The following SUGP1 variants were observed in gnomAD, a reference collection of about 807,000 sequenced individuals.
SUGP1 encodes SURP and G-patch domain-containing protein 1.
SUGP1 carries 34 observed loss-of-function variants against 76.5 expected under a neutral mutation model. The ratio of observed to expected loss-of-function variants is 0.44; its 90% confidence interval spans 0.34 to 0.59. The LOEUF (loss-of-function observed/expected upper bound fraction) is 0.59, where lower values mean the gene tolerates loss of function less well. Among genes scored for constraint, SUGP1 ranks in the 20% least tolerant of loss-of-function variants. The pLI is 0.01. For synonymous variants in SUGP1, 326 were observed against 326.2 expected (o/e 1.00, Z 0.01); for missense variants, 752 against 851.7 (o/e 0.88, Z 1.46).
chr19:19,286,393 T>C (rs2061140370), intron 8 of SUGP1, among the ~76,000 whole-genome samples: 1 of 152,112 alleles, frequency 6.6e-6, no homozygotes, highest in Non-Finnish European at 1.5e-5. Context: ...ATTATGAAAG[T>C]CTGGAAGGGT....
At chr19:19,288,380 TTATTA>T (rs1380227828) in intron 8 of SUGP1, among the ~76,000 whole-genome samples, 10 of 152,222 alleles carry the variant, frequency 6.6e-5, no homozygotes, top group Admixed American at 1.3e-4. Flanking sequence ...CTAGCTTATT[TTATTA>T]TAAGAATATA....
At position 19,306,128 on chromosome 19, in the gene SUGP1, C is replaced by T. The variant is rs559808376; in HGVS notation, c.311-52G>A. 3.6e-5 allele frequency: 52 copies of T among 1,449,996 alleles called. No individual in the cohort carries two copies. In the South Asian group the frequency reaches 4.8e-4, roughly 13 times the overall value. 89.8% of individuals were successfully genotyped at this position (1,449,996 alleles called of 1,614,324 possible). Reference sequence around the variant, plus strand: ...CTCGGGATCTGCAGGGCACCTCTCCCGGCTTCCGACCTAACCTAGGTGCTG... The same window carrying T: ...CTCGGGATCTGCAGGGCACCTCTCCTGGCTTCCGACCTAACCTAGGTGCTG... On this transcript the variant is annotated intron_variant, in intron 3 of 13. Transcript: ENST00000247001.
intron 2 of SUGP1, among the ~76,000 whole-genome samples, chr19:19,314,722 C>G (rs2061379865): frequency 1.3e-5 from 2 of 152,174 alleles, no homozygotes; most frequent in South Asian, 4.1e-4. Flanking sequence ...CCACTGGTAA[C>G]AAATACTGGG....
intron 11 of SUGP1, among the ~76,000 whole-genome samples, chr19:19,278,478 G>A (rs1369309819): frequency 6.6e-6 from 1 of 152,108 alleles, no homozygotes; most frequent in African/African-American, 2.4e-5. Flanking sequence ...GCAGCCCCAG[G>A]AAATGTTTCT....
intron 8 of SUGP1, among the ~76,000 whole-genome samples, chr19:19,282,948 G>T (rs936710638): frequency 6.6e-6 from 1 of 152,044 alleles, no homozygotes; most frequent in African/African-American, 2.4e-5. Flanking sequence ...GTGGTGGCAG[G>T]CGCCTGTCGT....
chr19:19,280,586 C>T (rs1187217265), intron 8 of SUGP1: 2 of 381,712 alleles, frequency 5.2e-6, no homozygotes, highest in Non-Finnish European at 9.7e-6. Flanking sequence ...CAGGGTCACA[C>T]AGCTAACGAG....
At position 19,303,465 on chromosome 19, in the gene SUGP1, T is replaced by C. The variant is rs1470444502; in HGVS notation, c.663-17A>G. ...TGCAAAAATCTGGAGAGGAGGAAGT[T>C]TGCAGAAGAGAGGGGAAAATAAGTA... On this transcript the variant is annotated splice_polypyrimidine_tract_variant and intron_variant, in intron 5 of 13. Transcript: ENST00000247001. 6.2e-7 allele frequency: 1 copy of C among 1,605,258 alleles called. No homozygotes were observed. Among genetic ancestry groups the C allele is most frequent in the African/African-American group, 1.3e-5 (1 of 74,696 alleles).
intron 8 of SUGP1, among the ~76,000 whole-genome samples, chr19:19,283,239 G>A (rs888385815): frequency 1.3e-5 from 2 of 152,112 alleles, no homozygotes; most frequent in Non-Finnish European, 2.9e-5. Context: ...GCAGTCAAGA[G>A]AAATGTAAAC....
At chr19:19,306,593 C>G (rs2061319679) in intron 3 of SUGP1, among the ~76,000 whole-genome samples, 1 of 152,224 alleles carries the variant, frequency 6.6e-6, no homozygotes. Flanking sequence ...TGACAGAGGT[C>G]GAAGACCAGC....
chr19:19,279,410 G>A lies in SUGP1; in HGVS notation c.1351-20C>T, dbSNP rs971422340. 4 of 1,580,978 alleles carry A rather than the reference G, an allele frequency of 2.5e-6. No individual in the cohort carries two copies. Among genetic ancestry groups the A allele is most frequent in the Admixed American group, 1.7e-5 (1 of 58,304 alleles). On this transcript the variant is annotated intron_variant, in intron 9 of 13. Transcript: ENST00000247001. ...CTGCATCTGCAGGGCACACTCGCCA[G>A]TGAGCCAGGGCACGGTGCTGTGGCC... is the stretch of plus-strand genomic sequence containing the variant.
intron 9 of SUGP1, 83 bp from the exon 10 acceptor site, chr19:19,279,473 G>A: frequency 1.1e-5 from 16 of 1,452,894 alleles, no homozygotes; most frequent in East Asian, 7.4e-5. Context: ...CTCCAGTGCT[G>A]GGCATCCCCC....
chr19:19,292,292 A>T (rs61186263), intron 8 of SUGP1, among the ~76,000 whole-genome samples: 2,570 of 151,002 alleles, frequency 0.017, 88 homozygotes, highest in South Asian at 0.11. Flanking sequence ...AAAAAAAAAG[A>T]AAGAATACCA....
intron 8 of SUGP1, chr19:19,281,096 G>C (rs2061095063): frequency 6.6e-6 from 1 of 152,382 alleles, no homozygotes; most frequent in Non-Finnish European, 1.5e-5. Context: ...GGGATGTGGG[G>C]GAGCCCTGTT....
chr19:19,304,127 G>C (rs2061296399), intron 4 of SUGP1: 3 of 1,096,946 alleles, frequency 2.7e-6, no homozygotes, highest in African/African-American at 1.6e-5. Context: ...CCCTGGTTTT[G>C]GTGGGGGAAA....
At chr19:19,287,532 AG>A (rs1196228841) in intron 8 of SUGP1, among the ~76,000 whole-genome samples, 1 of 152,228 alleles carries the variant, frequency 6.6e-6, no homozygotes, top group Non-Finnish European at 1.5e-5. Context: ...GCTGGACTCT[AG>A]CCTGGGCAAC....
At chr19:19,280,968 C>A (rs187394826) in intron 8 of SUGP1, 4 of 152,236 alleles carry the variant, frequency 2.6e-5, no homozygotes, top group African/African-American at 9.7e-5. Flanking sequence ...AGGGGTGCAG[C>A]GGGCCCTCTG....
chr19:19,296,732 G>A (rs910132000), intron 8 of SUGP1, among the ~76,000 whole-genome samples: 5 of 152,064 alleles, frequency 3.3e-5, no homozygotes, highest in African/African-American at 1.2e-4. Flanking sequence ...ACCGACAAGA[G>A]AACTGAAAAC....
intron 3 of SUGP1, among the ~76,000 whole-genome samples, chr19:19,308,382 C>T (rs1307610548): frequency 2.6e-5 from 4 of 152,200 alleles, no homozygotes; most frequent in Non-Finnish European, 4.4e-5. Context: ...TGTTATCAGA[C>T]GTCTACCAAA....
chr19:19,303,934 G>A, intron 4 of SUGP1, 87 bp from the exon 5 acceptor site: 1 of 1,603,440 alleles, frequency 6.2e-7, no homozygotes, highest in Non-Finnish European at 8.5e-7. Context: ...AACGACAGAG[G>A]GGGTGGGGGG....
Sources: gnomAD v4.1 joint callset for allele counts (sites outside exome capture counted in the v4.1 genomes callset) on GRCh38, gnomAD v4.1.1 for gene constraint, MANE v1.5 for transcripts, NCBI Gene and HGNC (gene_info 2026-07-23, HGNC 2026-07-21) for gene names.